SPAG9: variants seen among roughly 807,000 people sequenced by gnomAD.
The protein encoded by SPAG9 is sperm associated antigen 9, also known as C-Jun-amino-terminal kinase-interacting protein 4.
A neutral mutation model predicts 166.5 loss-of-function variants in SPAG9; 35 were observed. That is an observed-to-expected ratio of 0.21 (90% confidence interval 0.16 to 0.28). SPAG9 has a LOEUF of 0.28. SPAG9 is among the 10% of genes least tolerant of loss of function. The probability of loss-of-function intolerance (pLI) is 1.00; values close to 1 mark genes in which losing one functional copy is unlikely to be tolerated. For missense variants in SPAG9, 1,235 were observed against 1,603.3 expected (o/e 0.77, Z 3.92); for synonymous variants, 534 against 565.5 (o/e 0.94, Z 0.79).
intron 29 of SPAG9, among the ~76,000 whole-genome samples, chr17:50,967,866 G>A (rs1263773975): frequency 6.6e-6 from 1 of 152,188 alleles, no homozygotes; most frequent in Non-Finnish European, 1.5e-5. Context: ...CTATGCTAAA[G>A]ACAAGTCTGT....
intron 1 of SPAG9, among the ~76,000 whole-genome samples, chr17:51,101,567 G>C (rs1325703629): frequency 2.0e-5 from 3 of 151,936 alleles, no homozygotes; most frequent in Non-Finnish European, 2.9e-5. Context: ...ATTCAAAATT[G>C]AGGAGTACAT....
At chr17:51,062,764 T>C (rs146707461) in intron 2 of SPAG9, among the ~76,000 whole-genome samples, 262 of 152,236 alleles carry the variant, frequency 1.7e-3, no homozygotes, top group African/African-American at 6.2e-3. Context: ...CTAATTTTTG[T>C]ATTTTAGTAG....
intron 6 of SPAG9, among the ~76,000 whole-genome samples, chr17:51,030,658 C>T (rs1314731708): frequency 1.3e-5 from 2 of 152,144 alleles, no homozygotes; most frequent in African/African-American, 4.8e-5. Context: ...AAAACCTTAA[C>T]TCTAGATACT....
chr17:51,078,135 A>G (rs1323667824), intron 2 of SPAG9, among the ~76,000 whole-genome samples: 1 of 152,096 alleles, frequency 6.6e-6, no homozygotes, highest in Non-Finnish European at 1.5e-5. Flanking sequence ...AAGTCACTCA[A>G]TGTATTCAAT....
chr17:51,116,708 G>C (rs1038840900), intron 1 of SPAG9, among the ~76,000 whole-genome samples: 9 of 152,152 alleles, frequency 5.9e-5, no homozygotes, highest in African/African-American at 2.2e-4. Flanking sequence ...AGGCTGCAGT[G>C]AACTGTGACT....
rs182059804 is a variant in SPAG9 at position 51,090,076 on chromosome 17, G to C, written c.304-10372C>G. Among the ~76,000 whole-genome samples, 184 of 152,206 alleles carry C rather than the reference G, an allele frequency of 1.2e-3. 1 individual carries two copies. Among genetic ancestry groups the C allele is most frequent in the Non-Finnish European group, 6.0e-4 (41 of 68,032 alleles). ...TACTGAGATAAAGACATTCCAGGCA[G>C]AGGTCACAGCACATGCAAACGTCTA... On this transcript the variant is annotated intron_variant, in intron 1 of 29. Coordinates refer to ENST00000262013, the MANE Select transcript of SPAG9 (RefSeq NM_001130528.3).
At chr17:51,038,979 G>GT (rs2046726690) in intron 5 of SPAG9, among the ~76,000 whole-genome samples, 1 of 152,016 alleles carries the variant, frequency 6.6e-6, no homozygotes, top group African/African-American at 2.4e-5. Flanking sequence ...CTCACCACAG[G>GT]TCTCTCACAG....
intron 3 of SPAG9, among the ~76,000 whole-genome samples, chr17:51,049,548 A>G (rs1370109631): frequency 6.6e-6 from 1 of 151,888 alleles, no homozygotes; most frequent in Non-Finnish European, 1.5e-5. Flanking sequence ...GTATTTTGGG[A>G]TGCGCCTGTA....
intron 3 of SPAG9, among the ~76,000 whole-genome samples, chr17:51,048,161 C>A (rs1447220003): frequency 3.3e-5 from 5 of 151,924 alleles, no homozygotes; most frequent in African/African-American, 1.2e-4. Flanking sequence ...ATATGACAGA[C>A]AAGCTGAATA....
At chr17:51,068,162 T>C (rs981532492) in intron 2 of SPAG9, among the ~76,000 whole-genome samples, 1 of 152,158 alleles carries the variant, frequency 6.6e-6, no homozygotes, top group African/African-American at 2.4e-5. Context: ...ATGTGGTCTT[T>C]CAGAAACTTC....
At chr17:51,041,862 A>G (rs1186169460) in intron 4 of SPAG9, among the ~76,000 whole-genome samples, 1 of 152,196 alleles carries the variant, frequency 6.6e-6, no homozygotes, top group Non-Finnish European at 1.5e-5. Context: ...AAATCAACTA[A>G]GAAAAGTGGT....
chr17:51,111,470 T>C (rs1157671098), intron 1 of SPAG9, among the ~76,000 whole-genome samples: 1 of 152,214 alleles, frequency 6.6e-6, no homozygotes, highest in Non-Finnish European at 1.5e-5. Flanking sequence ...CTGTACTCTC[T>C]CAAGCACAGA....
chr17:51,017,349 T>G (rs2045742818), intron 8 of SPAG9, among the ~76,000 whole-genome samples: 7 of 152,152 alleles, frequency 4.6e-5, no homozygotes, highest in Admixed American at 2.6e-4. Flanking sequence ...ACATGTTATT[T>G]TAGATACCTG....
chr17:51,103,654 G>A (rs1376339664), intron 1 of SPAG9, among the ~76,000 whole-genome samples: 2 of 152,102 alleles, frequency 1.3e-5, no homozygotes, highest in African/African-American at 2.4e-5. Context: ...GGCCAGGCAC[G>A]GTGCCTCACA....
rs144941353 is a variant in SPAG9 at position 51,026,420 on chromosome 17, AG to A, written c.784-5056del. ...AGCAATCCCAAGGTTTCAGGCTACA[AG>A]GAAGTGGTTAATTTAGATCTACTTA... On this transcript the variant is annotated intron_variant, in intron 6 of 29. Coordinates refer to ENST00000262013, the MANE Select transcript of SPAG9 (RefSeq NM_001130528.3). 8.6e-3 allele frequency among the ~76,000 whole-genome samples: 1,302 copies of A among 151,940 alleles called. 20 individuals carry two copies. The highest frequency in any genetic ancestry group is 0.03 in the African/African-American group (1,251 of 41,506).
chr17:51,051,772 T>G (rs1194257255), intron 3 of SPAG9, among the ~76,000 whole-genome samples: 1 of 152,166 alleles, frequency 6.6e-6, no homozygotes, highest in African/African-American at 2.4e-5. Context: ...ATCTAGTCAC[T>G]AACTAGCCTA....
At chr17:51,037,254 C>T (rs943518841) in intron 5 of SPAG9, among the ~76,000 whole-genome samples, 5 of 152,112 alleles carry the variant, frequency 3.3e-5, no homozygotes, top group Admixed American at 3.3e-4. Context: ...GAGGCGCACA[C>T]CACCATGCCC....
chr17:51,086,231 C>T (rs1029900603), intron 1 of SPAG9, among the ~76,000 whole-genome samples: 2 of 151,908 alleles, frequency 1.3e-5, no homozygotes, highest in Non-Finnish European at 2.9e-5. Flanking sequence ...CTGCCTGCGT[C>T]GGCCTCCCAA....
chr17:51,113,557 G>A (rs1200910350), intron 1 of SPAG9, among the ~76,000 whole-genome samples: 4 of 151,430 alleles, frequency 2.6e-5, no homozygotes, highest in Admixed American at 6.6e-5. Context: ...GTGAGCACCT[G>A]TAGTCCCAGC....
Sources: gnomAD v4.1 joint callset for allele counts (sites outside exome capture counted in the v4.1 genomes callset) on GRCh38, gnomAD v4.1.1 for gene constraint, MANE v1.5 for transcripts, NCBI Gene and HGNC (gene_info 2026-07-23, HGNC 2026-07-21) for gene names.